ZFAND3: variants seen among roughly 807,000 people sequenced by gnomAD.
The protein encoded by ZFAND3 is zinc finger AN1-type containing 3.
Under a neutral mutation model 29.6 loss-of-function variants are expected in ZFAND3, and 10 were observed. The ratio of observed to expected loss-of-function variants is 0.34; its 90% CI spans 0.21 to 0.57. ZFAND3 has a LOEUF of 0.57. ZFAND3 is among the 20% of genes least tolerant of loss of function. ZFAND3 has a pLI of 0.86. For synonymous variants in ZFAND3, 128 were observed against 112.6 expected (o/e 1.14, Z -0.87); for missense variants, 230 against 304.5 (o/e 0.76, Z 1.82).
chr6:37,963,897 C>T (rs1221252425), intron 2 of ZFAND3, among the ~76,000 whole-genome samples: 1 of 152,230 alleles, frequency 6.6e-6, no homozygotes, highest in African/African-American at 2.4e-5. Context: ...AATAGCTGTG[C>T]GTTTTCCTGT....
At chr6:37,942,834 C>A (rs186356215) in intron 2 of ZFAND3, among the ~76,000 whole-genome samples, 9 of 152,026 alleles carry the variant, frequency 5.9e-5, no homozygotes, top group Non-Finnish European at 2.9e-5. Flanking sequence ...AAATAGAGTT[C>A]TCTTTTTAGC....
At chr6:38,128,965 C>T (rs1321473383) in intron 5 of ZFAND3, among the ~76,000 whole-genome samples, 2 of 152,190 alleles carry the variant, frequency 1.3e-5, no homozygotes, top group African/African-American at 4.8e-5. Context: ...AAAGTATTCC[C>T]TGTTTACTGC....
intron 5 of ZFAND3, among the ~76,000 whole-genome samples, chr6:38,131,262 G>A (rs989452250): frequency 7.2e-5 from 11 of 151,964 alleles, no homozygotes; most frequent in African/African-American, 2.7e-4. Flanking sequence ...ACAGCTTTTT[G>A]TTTCATTTAT....
chr6:37,829,845 T>G (rs1284811847), intron 1 of ZFAND3, among the ~76,000 whole-genome samples: 1 of 152,196 alleles, frequency 6.6e-6, no homozygotes, highest in Non-Finnish European at 1.5e-5. Flanking sequence ...TGCTTTGACT[T>G]AAATGAAAAA....
chr6:37,961,992 A>T (rs913840113), intron 2 of ZFAND3, among the ~76,000 whole-genome samples: 1 of 152,322 alleles, frequency 6.6e-6, no homozygotes, highest in East Asian at 1.9e-4. Flanking sequence ...TGAGGAAAAC[A>T]TGATCTTACC....
At chr6:38,110,663 T>A (rs1001567816) in intron 4 of ZFAND3, among the ~76,000 whole-genome samples, 1 of 152,230 alleles carries the variant, frequency 6.6e-6, no homozygotes, top group African/African-American at 2.4e-5. Context: ...CTAAAAAAAC[T>A]GATTGAGTAC....
At chr6:37,844,282 CTCTG>C (rs1167392987) in intron 1 of ZFAND3, among the ~76,000 whole-genome samples, 3 of 150,672 alleles carry the variant, frequency 2.0e-5, no homozygotes, top group Middle Eastern at 3.2e-3. Context: ...TTCTTTCCTT[CTCTG>C]TCTTTCTTGT....
At chr6:38,004,458 CT>C (rs987571594) in intron 2 of ZFAND3, among the ~76,000 whole-genome samples, 1 of 150,280 alleles carries the variant, frequency 6.7e-6, no homozygotes, top group Non-Finnish European at 1.5e-5. Flanking sequence ...CCCCCTTCCC[CT>C]CTCCCCCTCT....
Position 38,134,948 on chromosome 6 carries a change from C to G in ZFAND3, c.530-17287C>G, listed in dbSNP as rs1458862054. On this transcript the variant is annotated intron_variant, in intron 5 of 5. Coordinates refer to ENST00000287218, the MANE Select transcript of ZFAND3 (RefSeq NM_021943.3). ...TTTTGGAAGGGAGACATGGAGAAGA[C>G]TGCCTTAGAGGTCAGTATATCTGCC... Among the ~76,000 whole-genome samples, 2 of 152,246 alleles carry G rather than the reference C, an allele frequency of 1.3e-5. 1 individual carries two copies. Among genetic ancestry groups the G allele is most frequent in the Middle Eastern group, 6.3e-3 (2 of 316 alleles).
chr6:38,043,091 TA>T (rs1483427578), intron 2 of ZFAND3, among the ~76,000 whole-genome samples: 4 of 152,174 alleles, frequency 2.6e-5, no homozygotes, highest in African/African-American at 9.7e-5. Flanking sequence ...GTGTGCATAA[TA>T]AATATATATT....
At chr6:37,861,817 T>C (rs1235445428) in intron 1 of ZFAND3, among the ~76,000 whole-genome samples, 3 of 152,230 alleles carry the variant, frequency 2.0e-5, no homozygotes, top group Non-Finnish European at 4.4e-5. Context: ...GCATTACATA[T>C]GGATAACTGG....
chr6:38,152,464 GACACCT>G lies in ZFAND3; in HGVS notation c.*76_*81del, dbSNP rs1766248525. On this transcript the variant is annotated 3_prime_UTR_variant, in exon 6 of 6. Transcript: ENST00000287218. ...GCCTTATTTAGGACAAAGTCAGCCA[GACACCT>G]TGTACTGGGCACGCGTCAGACTGCA... is the stretch of plus-strand genomic sequence containing the variant. The G allele has an allele frequency of 1.8e-5, 26 of 1,472,150 alleles. No individual in the cohort carries two copies. Among genetic ancestry groups the G allele is most frequent in the Non-Finnish European group, 2.3e-5 (26 of 1,113,440 alleles). The allele number at this position is 1,472,150 out of a possible 1,614,324, so 91.2% of individuals were successfully genotyped here. A position where few individuals can be genotyped will look rare whatever the true frequency, so the allele number is the denominator to read the frequency against.
chr6:38,083,285 G>A (rs899955813), intron 4 of ZFAND3, among the ~76,000 whole-genome samples: 1 of 152,066 alleles, frequency 6.6e-6, no homozygotes, highest in Non-Finnish European at 1.5e-5. Flanking sequence ...GCCTCAGTCA[G>A]GCCCATGTTT....
chr6:37,914,753 G>C (rs1407291334), intron 1 of ZFAND3, among the ~76,000 whole-genome samples: 10 of 144,100 alleles, frequency 6.9e-5, no homozygotes, highest in African/African-American at 2.4e-4. Context: ...TGCCTGCCTC[G>C]GCCTCCCAAA....
At chr6:37,985,177 G>C (rs1445738554) in intron 2 of ZFAND3, among the ~76,000 whole-genome samples, 1 of 152,154 alleles carries the variant, frequency 6.6e-6, no homozygotes, top group East Asian at 1.9e-4. Context: ...TAAAATTTCA[G>C]CTGGGTGTAG....
At chr6:38,011,302 A>G (rs1763148584) in intron 2 of ZFAND3, among the ~76,000 whole-genome samples, 1 of 152,196 alleles carries the variant, frequency 6.6e-6, no homozygotes, top group Admixed American at 6.5e-5. Context: ...ATTTTCTTGC[A>G]TAAATACACA....
chr6:38,126,645 C>A (rs1765640273), intron 5 of ZFAND3, among the ~76,000 whole-genome samples: 1 of 151,866 alleles, frequency 6.6e-6, no homozygotes, highest in Non-Finnish European at 1.5e-5. Flanking sequence ...TCCCTAATGA[C>A]CAATGATGTT....
At position 37,884,494 on chromosome 6, in the gene ZFAND3, CAA is replaced by C. The variant is rs58015486; in HGVS notation, c.72-45441_72-45440del. Among the ~76,000 whole-genome samples, 522 of 53,848 alleles carry C rather than the reference CAA, an allele frequency of 9.7e-3. 7 individuals are homozygous for C. The highest frequency in any genetic ancestry group is 0.05 in the African/African-American group (462 of 9,298). The allele number at this position is 53,848 out of a possible 152,430, so 35.3% of individuals were successfully genotyped here. On this transcript the variant is annotated intron_variant, in intron 1 of 5. Coordinates refer to ENST00000287218, the MANE Select transcript of ZFAND3 (RefSeq NM_021943.3). Reference sequence around the variant, plus strand: ...GGGCAAAAAGAGCGAAACTCTAGCTCAAAAAAAAAAAAAAAAAAAAAAAAAGA... The same window carrying C: ...GGGCAAAAAGAGCGAAACTCTAGCTCAAAAAAAAAAAAAAAAAAAAAAAGA...
intron 3 of ZFAND3, among the ~76,000 whole-genome samples, chr6:38,063,127 G>A (rs1416292934): frequency 6.6e-6 from 1 of 152,082 alleles, no homozygotes; most frequent in East Asian, 1.9e-4. Context: ...CAAGTTTCAT[G>A]AATATCTAGA....
Sources: gnomAD v4.1 joint callset for allele counts (sites outside exome capture counted in the v4.1 genomes callset) on GRCh38, gnomAD v4.1.1 for gene constraint, MANE v1.5 for transcripts, NCBI Gene and HGNC (gene_info 2026-07-23, HGNC 2026-07-21) for gene names.